Variants in SDK1 observed in about 807,000 individuals in gnomAD.
SDK1 encodes the protein protein sidekick-1.
Under a neutral mutation model 245.5 loss-of-function variants are expected in SDK1, and 157 were observed. That is an observed-to-expected ratio of 0.64 (90% CI 0.56 to 0.73). The LOEUF is 0.73. Ranked by LOEUF, SDK1 falls within the 30% of genes least tolerant of loss-of-function variation. The probability of loss-of-function intolerance (pLI) is 0.00; values close to 1 mark genes in which losing one functional copy is unlikely to be tolerated. For synonymous variants in SDK1, 1,647 were observed against 1,278.5 expected (o/e 1.29, Z -6.15); for missense variants, 3,583 against 3,002.3 (o/e 1.19, Z -4.52).
intron 1 of SDK1, among the ~76,000 whole-genome samples, chr7:3,324,912 A>T (rs1384703602): frequency 1.3e-5 from 2 of 152,302 alleles, no homozygotes; most frequent in South Asian, 2.1e-4. Context: ...AACAGAAGGT[A>T]AACTTTCCAT....
intron 8 of SDK1, among the ~76,000 whole-genome samples, chr7:3,962,277 G>A (rs983172538): frequency 2.6e-5 from 4 of 152,212 alleles, no homozygotes; most frequent in African/African-American, 9.7e-5. Flanking sequence ...CTATGACCCT[G>A]TGCCCAAGCC....
intron 5 of SDK1, among the ~76,000 whole-genome samples, chr7:3,927,737 G>C (rs548073262): frequency 6.6e-6 from 1 of 152,338 alleles, no homozygotes; most frequent in African/African-American, 2.4e-5. Context: ...CTGCTCAGAA[G>C]TAAAAATAAT....
At chr7:3,843,150 C>T (rs1780199737) in intron 5 of SDK1, among the ~76,000 whole-genome samples, 1 of 152,166 alleles carries the variant, frequency 6.6e-6, no homozygotes, top group Non-Finnish European at 1.5e-5. Flanking sequence ...CTGGGCTTTG[C>T]TGAACTCACA....
At position 4,049,361 on chromosome 7, in the gene SDK1, C is replaced by A. The variant is rs200328886; in HGVS notation, c.2616C>A (p.Pro872=). Residue 872 remains proline (P), a synonymous_variant, in exon 18 of 45, where the codon CCC becomes CCA. Coordinates refer to ENST00000404826, the MANE Select transcript of SDK1 (RefSeq NM_152744.4). ...GCCCTGCCACAGTGCCCACCGCGCCCCCGCAGAACGTGCAGACGGAAGCCG... is the reference window on the plus strand; with the variant it reads ...GCCCTGCCACAGTGCCCACCGCGCCACCGCAGAACGTGCAGACGGAAGCCG... ...EYTLQGVPTA[P]PQNVQTEAVN... 26 of 1,614,014 alleles carry A rather than the reference C, an allele frequency of 1.6e-5. 1 individual carries two copies. In the African/African-American group the frequency reaches 2.8e-4, roughly 17 times the overall value.
intron 27 of SDK1, among the ~76,000 whole-genome samples, chr7:4,131,515 C>G (rs997159709): frequency 1.3e-5 from 2 of 152,194 alleles, no homozygotes; most frequent in South Asian, 2.1e-4. Flanking sequence ...CGTCAGCGGC[C>G]CAGAACGACG....
intron 17 of SDK1, among the ~76,000 whole-genome samples, chr7:4,032,026 CAAAAA>C (rs1190606605): frequency 4.1e-5 from 3 of 73,202 alleles, no homozygotes; most frequent in Non-Finnish European, 6.0e-5. Context: ...GACTCTGCCT[CAAAAA>C]AAAAAAAAAA....
chr7:3,675,075 C>A (rs191175959), intron 4 of SDK1, among the ~76,000 whole-genome samples: 2 of 152,144 alleles, frequency 1.3e-5, no homozygotes, highest in East Asian at 1.9e-4. Context: ...TTCTCATGCC[C>A]GTGAGCCATC....
At chr7:4,036,526 C>T (rs77089971) in intron 17 of SDK1, among the ~76,000 whole-genome samples, 47,523 of 151,904 alleles carry the variant, frequency 0.31, 11,619 homozygotes, top group African/African-American at 0.69. Flanking sequence ...AACACCGTAA[C>T]ATAGTTGAAA....
At chr7:4,142,198 C>T (rs1313551221) in intron 28 of SDK1, among the ~76,000 whole-genome samples, 1 of 152,202 alleles carries the variant, frequency 6.6e-6, no homozygotes, top group African/African-American at 2.4e-5. Context: ...TTAATGCAAA[C>T]TTGATTTTTG....
intron 1 of SDK1, among the ~76,000 whole-genome samples, chr7:3,316,157 A>T (rs1779657919): frequency 6.6e-6 from 1 of 152,200 alleles, no homozygotes. Flanking sequence ...TTAAATTTAA[A>T]TATACATAAA....
chr7:3,818,464 T>A (rs1779563034), intron 4 of SDK1, among the ~76,000 whole-genome samples: 1 of 152,184 alleles, frequency 6.6e-6, no homozygotes, highest in South Asian at 2.1e-4. Flanking sequence ...CAAAAGGAAA[T>A]GGCCTGTAAT....
intron 4 of SDK1, among the ~76,000 whole-genome samples, chr7:3,728,758 A>G (rs1779086350): frequency 6.6e-6 from 1 of 152,106 alleles, no homozygotes; most frequent in South Asian, 2.1e-4. Flanking sequence ...GGCATGTGCC[A>G]CCATGCCTGG....
At chr7:3,892,958 G>A (rs1583520620) in intron 5 of SDK1, among the ~76,000 whole-genome samples, 1 of 152,186 alleles carries the variant, frequency 6.6e-6, no homozygotes, top group Non-Finnish European at 1.5e-5. Context: ...ACATGGCAGG[G>A]AACAGGCTGC....
intron 5 of SDK1, among the ~76,000 whole-genome samples, chr7:3,902,822 T>C (rs540310147): frequency 1.6e-4 from 25 of 151,974 alleles, no homozygotes; most frequent in African/African-American, 6.1e-4. Context: ...TAGTTTTTGT[T>C]TGTTTTGCTG....
intron 4 of SDK1, among the ~76,000 whole-genome samples, chr7:3,783,934 C>G (rs1780824927): frequency 6.6e-6 from 1 of 150,870 alleles, no homozygotes; most frequent in Non-Finnish European, 1.5e-5. Flanking sequence ...AGGCATCACA[C>G]TACCTGGTTT....
chr7:4,241,917 G>C lies in SDK1; in HGVS notation c.6251+4G>C. 3.1e-6 allele frequency: 5 copies of C among 1,612,508 alleles called. No individual in the cohort carries two copies. The highest frequency in any genetic ancestry group is 4.2e-6 in the Non-Finnish European group (5 of 1,180,018). On this transcript the variant is annotated splice_donor_region_variant and intron_variant, in intron 43 of 44. Coordinates refer to ENST00000404826, the MANE Select transcript of SDK1 (RefSeq NM_152744.4). ...TCTCCAAGAAGAACGGGACCAGGTA[G>C]GCAGGCAGTGCTGTGCTGCGCCCAC... is the stretch of plus-strand genomic sequence containing the variant.
intron 1 of SDK1, among the ~76,000 whole-genome samples, chr7:3,406,396 G>A (rs1037857559): frequency 1.3e-5 from 2 of 152,110 alleles, no homozygotes; most frequent in Non-Finnish European, 2.9e-5. Flanking sequence ...GGAGTTACTC[G>A]TTGTGTCTGA....
At chr7:4,253,645 T>C (rs1474060960) in intron 44 of SDK1, among the ~76,000 whole-genome samples, 1 of 152,208 alleles carries the variant, frequency 6.6e-6, no homozygotes, top group East Asian at 1.9e-4. Flanking sequence ...TGTCTGTAGG[T>C]CTAGCTGATT....
chr7:3,885,409 T>C (rs1781314035), intron 5 of SDK1, among the ~76,000 whole-genome samples: 5 of 152,200 alleles, frequency 3.3e-5, no homozygotes, highest in Admixed American at 3.3e-4. Flanking sequence ...GAGAATGCAG[T>C]GCAGCCCTCT....
Sources: allele counts gnomAD v4.1 joint callset (sites outside exome capture counted in the v4.1 genomes callset), GRCh38; gene constraint gnomAD v4.1.1; transcripts MANE v1.5; gene names NCBI Gene and HGNC (gene_info 2026-07-23, HGNC 2026-07-21).